CIT: variants seen among roughly 807,000 people sequenced by gnomAD.
The protein encoded by CIT is citron rho-interacting serine/threonine kinase.
Under a neutral mutation model 272.7 loss-of-function variants are expected in CIT, and 79 were observed. The observed-to-expected ratio is 0.29, with a 90% CI of 0.24 to 0.35. The LOEUF is 0.35. Among genes scored for constraint, CIT ranks in the 10% least tolerant of loss-of-function variants. The pLI is 1.00. For synonymous variants in CIT, 948 were observed against 995.6 expected, an observed-to-expected ratio of 0.95 and a Z score of 0.90; for missense variants, 1,909 against 2,618.3, an observed-to-expected ratio of 0.73 and a Z score of 5.91.
intron 9 of CIT, among the ~76,000 whole-genome samples, chr12:119,810,371 C>T (rs190526128): frequency 2.0e-5 from 3 of 152,206 alleles, no homozygotes; most frequent in Admixed American, 2.0e-4. Context: ...GGAGGAAAGA[C>T]AGTGAGTTTT....
intron 28 of CIT, among the ~76,000 whole-genome samples, chr12:119,723,584 A>G (rs1309142481): frequency 1.3e-5 from 2 of 152,140 alleles, no homozygotes; most frequent in Non-Finnish European, 2.9e-5. Flanking sequence ...TGTAAGGAAA[A>G]AGACAGGAAA....
intron 13 of CIT, 43 bp from the exon 14 acceptor site, chr12:119,776,885 G>A (rs376797205): frequency 8.2e-5 from 131 of 1,589,834 alleles, no homozygotes; most frequent in African/African-American, 5.4e-4. Flanking sequence ...TTCGAACTCC[G>A]AAAAGAATAG....
intron 25 of CIT, 149 bp downstream of exon 25, chr12:119,735,011 T>G: frequency 1.3e-6 from 1 of 744,602 alleles, no homozygotes; most frequent in Non-Finnish European, 2.2e-6. Context: ...TTTAAAACCC[T>G]AAAGGCTTGG....
At chr12:119,708,797 G>A (rs184724057) in intron 39 of CIT, among the ~76,000 whole-genome samples, 1 of 152,260 alleles carries the variant, frequency 6.6e-6, no homozygotes, top group East Asian at 1.9e-4. Context: ...CCAAGTCCAT[G>A]ATTTAAATCT....
At chr12:119,730,853 C>T (rs1386123434) in intron 26 of CIT, among the ~76,000 whole-genome samples, 1 of 152,218 alleles carries the variant, frequency 6.6e-6, no homozygotes, top group African/African-American at 2.4e-5. Flanking sequence ...ACAGGCCAGG[C>T]ACGGTGGCTC....
chr12:119,811,425 G>A (rs778453299), intron 9 of CIT, among the ~76,000 whole-genome samples: 3 of 152,204 alleles, frequency 2.0e-5, no homozygotes, highest in Admixed American at 6.5e-5. Context: ...ATACTTCAGG[G>A]TAACATTGAT....
rs201559880 is a variant in CIT, at chr12:119,836,284, T to TAAAAAAAAA, written c.517-2065_517-2057dup. ...CCTGGCAACAGAGCGAGACTCCATC[T>TAAAAAAAAA]AAAAAAAAAAAAAAAAAAAAAAAAA... is the stretch of plus-strand genomic sequence containing the variant. On this transcript the variant is annotated intron_variant, in intron 5 of 47. Coordinates refer to ENST00000392521, the MANE Select transcript of CIT (RefSeq NM_001206999.2). 1.1e-3 allele frequency among the ~76,000 whole-genome samples: 46 copies of TAAAAAAAAA among 42,258 alleles called. 5 individuals are homozygous for TAAAAAAAAA. Among genetic ancestry groups the TAAAAAAAAA allele is most frequent in the African/African-American group, 4.5e-3 (44 of 9,844 alleles). 27.7% of individuals were successfully genotyped at this position (42,258 alleles called of 152,430 possible).
chr12:119,802,578 G>A (rs1182575096), intron 10 of CIT, among the ~76,000 whole-genome samples: 2 of 152,062 alleles, frequency 1.3e-5, no homozygotes, highest in Non-Finnish European at 2.9e-5. Context: ...ACTCCCTCCT[G>A]GTGGCTCACA....
At chr12:119,724,941 A>G (rs1340389042) in intron 28 of CIT, among the ~76,000 whole-genome samples, 1 of 135,180 alleles carries the variant, frequency 7.4e-6, no homozygotes, top group Non-Finnish European at 1.6e-5. Flanking sequence ...AAAAAAAAAA[A>G]AAAAAAAAAA....
chr12:119,801,030 G>A (rs113129267), intron 10 of CIT, among the ~76,000 whole-genome samples: 91 of 152,086 alleles, frequency 6.0e-4, no homozygotes, highest in Middle Eastern at 3.2e-3. Flanking sequence ...TTCCAACCCC[G>A]TTGCCAAGCT....
chr12:119,834,002 A>T, intron 6 of CIT, 84 bp downstream of exon 6: 2 of 1,327,662 alleles, frequency 1.5e-6, no homozygotes, highest in Non-Finnish European at 2.1e-6. Flanking sequence ...TCTTGAAATC[A>T]CTCATCCACT....
At chr12:119,738,317 A>G (rs1399369366) in intron 24 of CIT, among the ~76,000 whole-genome samples, 2 of 152,186 alleles carry the variant, frequency 1.3e-5, no homozygotes, top group African/African-American at 4.8e-5. Context: ...ATTTTGATCC[A>G]GGGAATGTGC....
chr12:119,763,846 T>C (rs1962111785), intron 19 of CIT, among the ~76,000 whole-genome samples: 2 of 152,196 alleles, frequency 1.3e-5, no homozygotes, highest in African/African-American at 2.4e-5. Context: ...TTAAAGGAAA[T>C]TGATAGAGCG....
At chr12:119,782,876 G>C in intron 12 of CIT, 1 of 430,274 alleles carries the variant, frequency 2.3e-6, no homozygotes, top group Non-Finnish European at 4.2e-6. Context: ...GCATCAGCCT[G>C]TCTCCTGCCA....
intron 10 of CIT, among the ~76,000 whole-genome samples, chr12:119,792,976 A>G (rs1965446058): frequency 1.3e-5 from 2 of 152,154 alleles, no homozygotes. Context: ...TAAAATAAAA[A>G]TAAAATAAAA....
chr12:119,710,529 G>C lies in CIT; in HGVS notation c.4935+11C>G, dbSNP rs781144274. 1 of 1,614,120 alleles carries C rather than the reference G, an allele frequency of 6.2e-7. No homozygotes were observed. The highest frequency in any genetic ancestry group is 8.5e-7 in the Non-Finnish European group (1 of 1,179,924). On this transcript the variant is annotated intron_variant, in intron 38 of 47. Transcript: ENST00000392521. The surrounding 1 kb of genome is among the most constrained non-coding windows in gnomAD (Gnocchi z 5.6). ...CCAGACACCAGCTGGCCGTGCCCAT[G>C]CAAGCATTACCTGGTCACTGAAGGG...
intron 3 of CIT, among the ~76,000 whole-genome samples, chr12:119,865,152 G>A (rs1397672158): frequency 6.6e-6 from 1 of 152,146 alleles, no homozygotes; most frequent in Non-Finnish European, 1.5e-5. Context: ...TCAAAAATAT[G>A]AAACATTTCC....
intron 9 of CIT, among the ~76,000 whole-genome samples, chr12:119,815,390 G>A (rs892883471): frequency 7.9e-5 from 12 of 151,942 alleles, no homozygotes; most frequent in South Asian, 2.1e-4. Flanking sequence ...TCAATGATGC[G>A]GGAAAATAAC....
intron 2 of CIT, among the ~76,000 whole-genome samples, chr12:119,870,607 G>A (rs970910936): frequency 1.6e-4 from 23 of 145,684 alleles, no homozygotes; most frequent in African/African-American, 5.3e-4. Context: ...TGGGAAGCCA[G>A]CCACCATGCA....
Sources: allele counts gnomAD v4.1 joint callset (sites outside exome capture counted in the v4.1 genomes callset), GRCh38; gene constraint gnomAD v4.1.1; non-coding constraint Gnocchi (gnomAD v3.1); transcripts MANE v1.5; gene names NCBI Gene and HGNC (gene_info 2026-07-23, HGNC 2026-07-21).